The following VWF variants were observed in gnomAD, a reference collection of about 807,000 sequenced individuals.
VWF encodes Factor VIII related antigen.
A neutral mutation model predicts 308.6 loss-of-function variants in VWF; 176 were observed. The observed-to-expected ratio is 0.57, with a 90% CI of 0.50 to 0.65. The LOEUF is 0.65. Among genes scored for constraint, VWF ranks in the 30% least tolerant of loss-of-function variants. VWF has a pLI of 0.00. For synonymous variants in VWF, 1,385 were observed against 1,443.4 expected, an observed-to-expected ratio of 0.96 and a Z score of 0.92; for missense variants, 3,146 against 3,648.2, an observed-to-expected ratio of 0.86 and a Z score of 3.55.
rs1314088995 is a variant in VWF, at chr12:6,013,346, T to C, written c.5620+135A>G. ...ACAGAAACTTAAAGGTCCTGGTCTATATAATAATCTTCATTCAAGGCCAAA... is the reference window on the plus strand; with the variant it reads ...ACAGAAACTTAAAGGTCCTGGTCTACATAATAATCTTCATTCAAGGCCAAA... On this transcript the variant is annotated intron_variant, in intron 32 of 51. Transcript: ENST00000261405. 10 of 1,099,246 alleles carry C rather than the reference T, an allele frequency of 9.1e-6. No individual in the cohort carries two copies. In the East Asian group the frequency reaches 1.2e-4, roughly 13 times the overall value. 68.1% of individuals were successfully genotyped at this position (1,099,246 alleles called of 1,614,324 possible).
At chr12:6,119,892 G>A (rs781293167) in intron 3 of VWF, among the ~76,000 whole-genome samples, 8 of 152,106 alleles carry the variant, frequency 5.3e-5, no homozygotes, top group South Asian at 2.1e-4. Flanking sequence ...CAGAGAACTC[G>A]GTGAGCTAAG....
chr12:6,119,227 C>T (rs1032382077), intron 3 of VWF, among the ~76,000 whole-genome samples: 3 of 152,216 alleles, frequency 2.0e-5, no homozygotes, highest in Non-Finnish European at 2.9e-5. Flanking sequence ...CCTCCAGTCC[C>T]GCACCCTCAA....
intron 40 of VWF, 106 bp downstream of exon 40, chr12:5,984,939 C>T (rs1433570567): frequency 7.9e-7 from 1 of 1,264,714 alleles, no homozygotes; most frequent in Non-Finnish European, 1.2e-6. Context: ...CACCTCCTTT[C>T]ACACACCCTG....
rs1389149154 is a variant in VWF, at chr12:6,072,454, G to A, written c.998-12C>T. 6.2e-7 allele frequency: 1 copy of A among 1,610,404 alleles called. No homozygotes were observed. The highest frequency in any genetic ancestry group is 8.5e-7 in the Non-Finnish European group (1 of 1,176,908). On this transcript the variant is annotated splice_polypyrimidine_tract_variant and intron_variant, in intron 8 of 51. Transcript: ENST00000261405. ...CAGGAGCTGTCCCTCTGGGGTCAAG[G>A]GCATCAAGACAAAGGCCTCAACATT...
At chr12:6,047,331 T>C (rs933572991) in intron 16 of VWF, among the ~76,000 whole-genome samples, 1 of 152,204 alleles carries the variant, frequency 6.6e-6, no homozygotes, top group African/African-American at 2.4e-5. Flanking sequence ...GTCTCACTAA[T>C]GTAGTGAGTC....
intron 16 of VWF, among the ~76,000 whole-genome samples, chr12:6,047,702 T>C (rs1183026373): frequency 6.6e-6 from 1 of 152,242 alleles, no homozygotes; most frequent in Non-Finnish European, 1.5e-5. Context: ...ATAAATGATA[T>C]CACATAGCAT....
intron 43 of VWF, among the ~76,000 whole-genome samples, chr12:5,973,965 C>T (rs1465961031): frequency 6.6e-6 from 1 of 152,166 alleles, no homozygotes; most frequent in Non-Finnish European, 1.5e-5. Flanking sequence ...GCCGCCAATG[C>T]CCCTGCTTGC....
At position 6,014,534 on chromosome 12, in the gene VWF, G is replaced by A. The variant is rs377053850; in HGVS notation, c.5456-889C>T. Among the ~76,000 whole-genome samples the A allele has an allele frequency of 1.5e-4, 23 of 152,326 alleles. No individual in the cohort carries two copies. The East Asian group carries it at 2.1e-3, about 14-fold the overall frequency. The stretch of plus-strand genomic sequence containing the variant: ...TTGAAGATGGAGCTATAGTTTGTTC[G>A]TGGCTTGCATGGAGGTATCAGGGAA... On this transcript the variant is annotated intron_variant, in intron 31 of 51. Coordinates refer to ENST00000261405, the MANE Select transcript of VWF (RefSeq NM_000552.5).
chr12:6,101,476 G>T (rs1945160576), intron 5 of VWF, among the ~76,000 whole-genome samples: 1 of 152,100 alleles, frequency 6.6e-6, no homozygotes, highest in African/African-American at 2.4e-5. Flanking sequence ...TTAAAAAAGG[G>T]ATGAAATAAA....
In VWF at chr12:6,121,233, G is replaced by A. The variant is rs200901782; in HGVS notation, c.161C>T (p.Ala54Val). 2.6e-5 allele frequency: 42 copies of A among 1,614,068 alleles called. No individual in the cohort carries two copies. The highest frequency in any genetic ancestry group is 3.3e-5 in the Admixed American group (2 of 60,002). Residue 54 changes from alanine to valine, a missense_variant, in exon 3 of 52, where the codon GCG (alanine) becomes GTG (valine). Physicochemically the swap from Ala to Val is moderately conservative, Grantham distance 64 (BLOSUM62 0). Around this residue, in one of 3 missense-constraint regions of VWF, gnomAD observed 1,304 missense variants for 1,353.0 expected, o/e 0.96. Coordinates refer to ENST00000261405, the MANE Select transcript of VWF (RefSeq NM_000552.5). ...TGCCAGGAGGTAACTGCAGTATCCCGCAAAGCTGTACATGCTCCCATCAAA... is the reference window on the plus strand; with the variant it reads ...TGCCAGGAGGTAACTGCAGTATCCCACAAAGCTGTACATGCTCCCATCAAA... ...NTFDGSMYSF[A>V]GYCSYLLAGG...
chr12:6,042,548 A>G (rs1044584156), intron 18 of VWF, among the ~76,000 whole-genome samples: 2 of 152,214 alleles, frequency 1.3e-5, no homozygotes, highest in Non-Finnish European at 2.9e-5. Flanking sequence ...CCGGCATCGT[A>G]AGGAAGCAGT....
chr12:6,109,863 G>C (rs1020385083), intron 5 of VWF, among the ~76,000 whole-genome samples: 1 of 152,160 alleles, frequency 6.6e-6, no homozygotes, highest in South Asian at 2.1e-4. Context: ...TGTTAGCCAG[G>C]ATGGTCTCAA....
chr12:5,960,124 CTAGAT>C (rs1565809559), intron 47 of VWF, among the ~76,000 whole-genome samples: 1 of 148,796 alleles, frequency 6.7e-6, no homozygotes, highest in African/African-American at 2.4e-5. Context: ...AAATCTCTAG[CTAGAT>C]TAATCAAGAA....
intron 34 of VWF, among the ~76,000 whole-genome samples, chr12:6,009,685 A>G (rs1943969835): frequency 6.6e-6 from 1 of 152,322 alleles, no homozygotes; most frequent in East Asian, 1.9e-4. Context: ...TTCCACATTC[A>G]CTGCAACATT....
chr12:6,048,208 A>G (rs979005956), intron 16 of VWF, among the ~76,000 whole-genome samples: 5 of 152,206 alleles, frequency 3.3e-5, no homozygotes, highest in Non-Finnish European at 5.9e-5. Flanking sequence ...TCACTCTGTC[A>G]CCAGGCTGGA....
chr12:6,089,774 C>T (rs1034933), intron 6 of VWF, among the ~76,000 whole-genome samples: 5 of 151,868 alleles, frequency 3.3e-5, no homozygotes, highest in Non-Finnish European at 5.9e-5. Context: ...ATCTTTGAAG[C>T]CATGTTTCAG....
intron 19 of VWF, 123 bp downstream of exon 19, chr12:6,036,265 G>A: frequency 1.3e-6 from 1 of 799,650 alleles, no homozygotes; most frequent in Non-Finnish European, 2.2e-6. Flanking sequence ...ACGGAGGAAA[G>A]GCAGAGAGTA....
chr12:6,081,528 C>T (rs532481493), intron 6 of VWF, among the ~76,000 whole-genome samples: 38 of 152,182 alleles, frequency 2.5e-4, no homozygotes, highest in African/African-American at 7.2e-5. Context: ...TTAGTACAGA[C>T]GGAGTTTCAC....
intron 2 of VWF, among the ~76,000 whole-genome samples, chr12:6,122,505 G>T (rs1325682543): frequency 6.6e-6 from 1 of 152,206 alleles, no homozygotes; most frequent in Non-Finnish European, 1.5e-5. Flanking sequence ...GACCCACCTA[G>T]TAGGAAGATG....
Sources: gnomAD v4.1 joint callset for allele counts (sites outside exome capture counted in the v4.1 genomes callset) on GRCh38, gnomAD v4.1.1 for gene constraint, gnomAD v4.1.1 regional missense constraint, MANE v1.5 for transcripts, NCBI Gene and HGNC (gene_info 2026-07-23, HGNC 2026-07-21) for gene names.